TOX3: variants seen among roughly 807,000 people sequenced by gnomAD.
TOX3 encodes CAG trinucleotide repeat-containing gene F9 protein.
Under a neutral mutation model 64.3 loss-of-function variants are expected in TOX3, and 22 were observed. The ratio of observed to expected loss-of-function variants is 0.34; its 90% confidence interval spans 0.24 to 0.49. TOX3 has a LOEUF of 0.49. Among genes scored for constraint, TOX3 ranks in the 20% least tolerant of loss-of-function variants. TOX3 has a pLI of 0.99. For missense variants in TOX3, 661 were observed against 714.4 expected (o/e 0.93, Z 0.85); for synonymous variants, 291 against 273.6 (o/e 1.06, Z -0.63).
In TOX3 at chr16:52,439,736, A is replaced by T; in HGVS notation, c.1220T>A (p.Met407Lys). 6.2e-7 allele frequency: 1 copy of T among 1,613,990 alleles called. No homozygotes were observed. The highest frequency in any genetic ancestry group is 1.3e-5 in the African/African-American group (1 of 75,052). ...IVTSVTIAAN[M>K]PSNIGAPLIS... Reference sequence around the variant, plus strand: ...CAGTGGAGCCCCAATGTTCGAGGGCATGTTGGCTGCAATGGTGACTGATGT... The same window carrying T: ...CAGTGGAGCCCCAATGTTCGAGGGCTTGTTGGCTGCAATGGTGACTGATGT... Residue 407 changes from methionine (M) to lysine (K), a missense_variant, in exon 7 of 7, where the codon ATG becomes AAG. Physicochemically the swap from Met to Lys is moderately conservative, Grantham distance 95 (BLOSUM62 -1). Coordinates refer to ENST00000219746, the MANE Select transcript of TOX3 (RefSeq NM_001080430.4).
chr16:52,499,585 CT>C (rs2151463513), intron 1 of TOX3, among the ~76,000 whole-genome samples: 1 of 152,276 alleles, frequency 6.6e-6, no homozygotes, highest in East Asian at 1.9e-4. Flanking sequence ...GGTCAAAGGA[CT>C]TTTTTTAGAC....
chr16:52,468,173 TA>T (rs1286440368), intron 2 of TOX3, among the ~76,000 whole-genome samples: 1 of 152,216 alleles, frequency 6.6e-6, no homozygotes, highest in Non-Finnish European at 1.5e-5. Flanking sequence ...GCCTGGTATC[TA>T]AAAAAATAAC....
At chr16:52,485,246 G>GTATATATATATATATA (rs34195222) in intron 1 of TOX3, among the ~76,000 whole-genome samples, 104 of 127,854 alleles carry the variant, frequency 8.1e-4, no homozygotes, top group African/African-American at 3.3e-3. Flanking sequence ...ATGTGTGTGT[G>GTATATATATATATATA]TATATATATA....
intron 1 of TOX3, among the ~76,000 whole-genome samples, chr16:52,532,651 G>A (rs188929491): frequency 6.6e-6 from 1 of 152,314 alleles, no homozygotes; most frequent in East Asian, 1.9e-4. Context: ...TATCACTCGC[G>A]ATAGATAACT....
intron 1 of TOX3, among the ~76,000 whole-genome samples, chr16:52,499,189 G>T (rs1567336835): frequency 6.6e-6 from 1 of 152,166 alleles, no homozygotes; most frequent in African/African-American, 2.4e-5. Context: ...GATCACAGGG[G>T]AAAAATTAGA....
chr16:52,467,239 T>C (rs1315885701), intron 2 of TOX3, among the ~76,000 whole-genome samples: 1 of 152,138 alleles, frequency 6.6e-6, no homozygotes, highest in Non-Finnish European at 1.5e-5. Flanking sequence ...CTTTCATCAA[T>C]GTTTGATTCA....
intron 1 of TOX3, among the ~76,000 whole-genome samples, chr16:52,488,295 T>C (rs1961584506): frequency 6.6e-6 from 1 of 152,156 alleles, no homozygotes; most frequent in African/African-American, 2.4e-5. Context: ...TGCAGGAACT[T>C]TGCTCAGCTC....
intron 2 of TOX3, among the ~76,000 whole-genome samples, chr16:52,467,904 G>A (rs1269693245): frequency 1.3e-5 from 2 of 152,146 alleles, no homozygotes; most frequent in Admixed American, 1.3e-4. Context: ...TTCCCCAGCT[G>A]TGACCAAGTC....
In TOX3 at chr16:52,464,141, T is replaced by A; in HGVS notation, c.201A>T (p.Pro67=). 2.5e-6 allele frequency: 4 copies of A among 1,580,030 alleles called. No individual in the cohort carries two copies. The highest frequency in any genetic ancestry group is 3.4e-6 in the Non-Finnish European group (4 of 1,162,490). ...CTGACTCTGGAGGAGGCGTGATTGG[T>A]GGAATTTCGAATTCCTCGTCCCCAA... ...PSLGDEEFEI[P]PITPPPESDP... Residue 67 remains proline, a synonymous_variant, in exon 3 of 7, where the codon CCA becomes CCT. Transcript: ENST00000219746.
intron 3 of TOX3, 116 bp from the exon 4 acceptor site, chr16:52,450,662 C>T: frequency 7.7e-7 from 1 of 1,300,682 alleles, no homozygotes; most frequent in South Asian, 1.4e-5. Flanking sequence ...ATAGGTCTGA[C>T]CTATTGCAGG....
chr16:52,510,775 A>G (rs1183955449), intron 1 of TOX3, among the ~76,000 whole-genome samples: 7 of 146,086 alleles, frequency 4.8e-5, no homozygotes, highest in African/African-American at 1.8e-4. Context: ...AAAAAAAAAA[A>G]AAAAAGAAGA....
chr16:52,542,912 T>A (rs1963106205), intron 1 of TOX3, among the ~76,000 whole-genome samples: 1 of 152,106 alleles, frequency 6.6e-6, no homozygotes, highest in Non-Finnish European at 1.5e-5. Context: ...TCAGGTGGAG[T>A]CAAAGCACTA....
At chr16:52,463,899 TA>T in intron 3 of TOX3, 34 bp downstream of exon 3, 1 of 1,482,964 alleles carries the variant, frequency 6.7e-7, no homozygotes, top group Non-Finnish European at 9.0e-7. Context: ...GTGCAAATGA[TA>T]AAAAATAATT....
chr16:52,521,953 C>A (rs186505258), intron 1 of TOX3, among the ~76,000 whole-genome samples: 1 of 152,324 alleles, frequency 6.6e-6, no homozygotes, highest in East Asian at 1.9e-4. Flanking sequence ...CAATCACCTC[C>A]TCACCTGAGA....
Position 52,439,237 on chromosome 16 carries a change from G to T in TOX3, c.1719C>A (p.Val573=). ...GCCATATGCGTCTTCAGAAAATACT[G>T]ACCTGCGATAATACTTGAGTCTGTG... ...SQTQTQVLSQ[V]SIF Residue 573 remains valine (V), a synonymous_variant, in exon 7 of 7, where the codon GTC becomes GTA. Transcript: ENST00000219746. 2 of 1,613,806 alleles carry T rather than the reference G, an allele frequency of 1.2e-6. No homozygotes were observed. Among genetic ancestry groups the T allele is most frequent in the South Asian group, 2.2e-5 (2 of 91,038 alleles).
At chr16:52,530,664 C>CT (rs909188838) in intron 1 of TOX3, among the ~76,000 whole-genome samples, 3 of 144,888 alleles carry the variant, frequency 2.1e-5, no homozygotes, top group Admixed American at 2.1e-4. Context: ...TTTTTTTTTT[C>CT]TTTTTTTTCT....
At chr16:52,512,620 G>A (rs1268931005) in intron 1 of TOX3, among the ~76,000 whole-genome samples, 1 of 152,164 alleles carries the variant, frequency 6.6e-6, no homozygotes, top group East Asian at 1.9e-4. Context: ...TTAGATGAAG[G>A]AAGTAAAATA....
chr16:52,509,427 T>C (rs1055589424), intron 1 of TOX3, among the ~76,000 whole-genome samples: 1 of 152,236 alleles, frequency 6.6e-6, no homozygotes, highest in Non-Finnish European at 1.5e-5. Context: ...TACTTCATGT[T>C]ATAGGCAAAT....
intron 1 of TOX3, among the ~76,000 whole-genome samples, chr16:52,471,929 A>G (rs1422159429): frequency 6.6e-6 from 1 of 152,108 alleles, no homozygotes; most frequent in African/African-American, 2.4e-5. Flanking sequence ...CCTCCTCCCT[A>G]CCTCATGATC....
Sources: allele counts gnomAD v4.1 joint callset (sites outside exome capture counted in the v4.1 genomes callset), GRCh38; gene constraint gnomAD v4.1.1; transcripts MANE v1.5; gene names NCBI Gene and HGNC (gene_info 2026-07-23, HGNC 2026-07-21).